Variants in RDX observed in about 807,000 individuals in gnomAD.
RDX encodes the protein deafness, autosomal recessive 24.
In RDX, 32 loss-of-function variants were observed where a neutral mutation model predicts 83.7. The observed-to-expected ratio is 0.38, with a 90% CI of 0.29 to 0.51. The LOEUF is 0.51. RDX is among the 20% of genes least tolerant of loss of function. The probability of loss-of-function intolerance (pLI) is 0.87; values close to 1 mark genes in which losing one functional copy is unlikely to be tolerated. For missense variants in RDX, 600 were observed against 689.9 expected (o/e 0.87, Z 1.46); for synonymous variants, 229 against 222.7 (o/e 1.03, Z -0.25).
chr11:110,210,712 A>C (rs2134255145), intron 14 of RDX, among the ~76,000 whole-genome samples: 1 of 152,128 alleles, frequency 6.6e-6, no homozygotes, highest in East Asian at 1.9e-4. Flanking sequence ...AGAATTTTCA[A>C]CCCAGAATTT....
At position 110,247,766 on chromosome 11, in the gene RDX, C is replaced by T. The variant is rs1273246492; in HGVS notation, c.1027G>A (p.Glu343Lys). 6.2e-7 allele frequency: 1 copy of T among 1,609,924 alleles called. No individual in the cohort carries two copies. Among genetic ancestry groups the T allele is most frequent in the Admixed American group, 1.7e-5 (1 of 59,604 alleles). Residue 343 changes from glutamate (E) to lysine (K), a missense_variant, in exon 10 of 14, where the codon GAA becomes AAA. Physicochemically the swap from Glu to Lys is moderately conservative, Grantham distance 56. Transcript: ENST00000645495. The stretch of plus-strand genomic sequence containing the variant: ...AGACGTTCCATTAGCTCTTCCTTTT[C>T]ACGTTCTATTCTTTCCTTTTCCTTT... Reference protein sequence around the residue: ...AEKEKERIEREKEELMERLKQ... With the variant: ...AEKEKERIERKKEELMERLKQ...
rs143891138 is a variant in RDX, at chr11:110,256,646, G to A, written c.698+1121C>T. On this transcript the variant is annotated intron_variant, in intron 7 of 13. Transcript: ENST00000645495. Reference sequence around the variant, plus strand: ...TCTCAGCACTGGAGAAAGCAGAGGCGCAAGAATTGCTAGAGGCCAGGAGTT... The same window carrying A: ...TCTCAGCACTGGAGAAAGCAGAGGCACAAGAATTGCTAGAGGCCAGGAGTT... 1.1e-3 allele frequency among the ~76,000 whole-genome samples: 169 copies of A among 152,238 alleles called. 1 individual carries two copies. Among genetic ancestry groups the A allele is most frequent in the African/African-American group, 3.1e-3 (127 of 41,536 alleles).
At position 110,199,490 on chromosome 11, in the gene RDX, T is replaced by C. The variant is rs570544793; in HGVS notation, c.*31+91A>G. 1.9e-4 allele frequency: 132 copies of C among 682,056 alleles called. No individual in the cohort carries two copies. In the African/African-American group the frequency reaches 2.2e-3, roughly 11 times the overall value. 42.3% of individuals were successfully genotyped at this position (682,056 alleles called of 1,614,324 possible). ...TGTGGATGAACAGGTTCAGATTTTA[T>C]GAGGTCCCACCAGCATCCTGGCAGT... On this transcript the variant is annotated intron_variant, in intron 15 of 15. Transcript: ENST00000528498.
intron 10 of RDX, among the ~76,000 whole-genome samples, chr11:110,246,884 T>A (rs1859129248): frequency 6.6e-6 from 1 of 152,234 alleles, no homozygotes; most frequent in African/African-American, 2.4e-5. Flanking sequence ...TGTTGGCTAT[T>A]TCCAACAGAA....
intron 2 of RDX, among the ~76,000 whole-genome samples, chr11:110,275,148 T>C (rs1363867257): frequency 2.6e-5 from 4 of 152,210 alleles, no homozygotes; most frequent in Non-Finnish European, 5.9e-5. Flanking sequence ...GGATCCTCGA[T>C]TGCTGATGAC....
chr11:110,243,693 G>C (rs1865189873), intron 10 of RDX, among the ~76,000 whole-genome samples: 1 of 152,008 alleles, frequency 6.6e-6, no homozygotes, highest in African/African-American at 2.4e-5. Context: ...ACTCCAGCCT[G>C]CGTGACTGAG....
chr11:110,212,024 C>CA (rs1264594791), intron 14 of RDX, among the ~76,000 whole-genome samples: 1 of 140,204 alleles, frequency 7.1e-6, no homozygotes, highest in Non-Finnish European at 1.5e-5. Flanking sequence ...AAAAACCCTT[C>CA]AAAAAATTAA....
chr11:110,245,985 G>T (rs1859091830), intron 10 of RDX, among the ~76,000 whole-genome samples: 1 of 152,198 alleles, frequency 6.6e-6, no homozygotes, highest in South Asian at 2.1e-4. Context: ...TCACTCTGTT[G>T]CTCAGGCTGG....
chr11:110,183,411 G>T (rs1337513016), intron 15 of RDX, among the ~76,000 whole-genome samples: 2 of 152,158 alleles, frequency 1.3e-5, no homozygotes, highest in Non-Finnish European at 2.9e-5. Flanking sequence ...CACTGCAGCT[G>T]CAAACTCCTG....
chr11:110,175,628 G>T (rs1477646479), intron 15 of RDX, among the ~76,000 whole-genome samples: 1 of 152,160 alleles, frequency 6.6e-6, no homozygotes, highest in East Asian at 1.9e-4. Context: ...TGGGGGTGGG[G>T]GCCTGCCAGA....
At chr11:110,210,727 T>C (rs560900871) in intron 14 of RDX, among the ~76,000 whole-genome samples, 48 of 151,798 alleles carry the variant, frequency 3.2e-4, no homozygotes, top group African/African-American at 1.2e-3. Context: ...GAATTTCATA[T>C]CCAGCCAAAT....
downstream of RDX, among the ~76,000 whole-genome samples, chr11:110,226,202 G>C (rs1230738878): frequency 6.6e-6 from 1 of 152,140 alleles, no homozygotes; most frequent in African/African-American, 2.4e-5. Context: ...GCAATATTCA[G>C]AGTAGTCAAA....
Position 110,232,052 on chromosome 11 carries a change from G to C in RDX, c.1588-19C>G. 6.3e-7 allele frequency: 1 copy of C among 1,580,836 alleles called. No homozygotes were observed. The highest frequency in any genetic ancestry group is 1.3e-5 in the African/African-American group (1 of 74,276). ...TTAATGCCTATTTAAAAAATAAAAAGTACAACTATTATTTTTTTCTTAGAT... is the reference window on the plus strand; with the variant it reads ...TTAATGCCTATTTAAAAAATAAAAACTACAACTATTATTTTTTTCTTAGAT... On this transcript the variant is annotated intron_variant, in intron 13 of 13. Transcript: ENST00000645495.
At chr11:110,203,015 C>A (rs10891074) in intron 14 of RDX, among the ~76,000 whole-genome samples, 6 of 151,716 alleles carry the variant, frequency 4.0e-5, no homozygotes, top group African/African-American at 7.3e-5. Context: ...TGTGTATATA[C>A]CCCCCAAAAA....
At chr11:110,215,278 G>T (rs1047807730) in intron 14 of RDX, among the ~76,000 whole-genome samples, 7 of 150,276 alleles carry the variant, frequency 4.7e-5, no homozygotes, top group African/African-American at 1.7e-4. Flanking sequence ...CAGGAGAATG[G>T]CATGAACCCG....
At chr11:110,266,429 A>T (rs567498658) in intron 3 of RDX, among the ~76,000 whole-genome samples, 139 of 152,334 alleles carry the variant, frequency 9.1e-4, no homozygotes, top group African/African-American at 3.1e-3. Flanking sequence ...TATGTTTTTT[A>T]AAAAAATCTG....
At chr11:110,248,929 G>C (rs975695815) in intron 9 of RDX, among the ~76,000 whole-genome samples, 4 of 152,138 alleles carry the variant, frequency 2.6e-5, no homozygotes, top group African/African-American at 9.7e-5. Flanking sequence ...AATGACAGTA[G>C]GTGGCTAATG....
intron 3 of RDX, among the ~76,000 whole-genome samples, chr11:110,272,170 ACCTGTAATTC>A (rs1309034636): frequency 6.6e-6 from 1 of 152,212 alleles, no homozygotes; most frequent in Non-Finnish European, 1.5e-5. Context: ...GATGCTCTCA[ACCTGTAATTC>A]CCTATGCCTT....
chr11:110,258,535 G>A (rs781384954), intron 5 of RDX, among the ~76,000 whole-genome samples: 15 of 152,054 alleles, frequency 9.9e-5, no homozygotes, highest in Non-Finnish European at 1.9e-4. Flanking sequence ...AAAGTTAAGT[G>A]TCTAGGATCC....
Sources: allele counts gnomAD v4.1 joint callset (sites outside exome capture counted in the v4.1 genomes callset), GRCh38; gene constraint gnomAD v4.1.1; transcripts MANE v1.5; gene names NCBI Gene and HGNC (gene_info 2026-07-23, HGNC 2026-07-21).